Variants in PRUNE2 observed in about 807,000 individuals in gnomAD.
The protein encoded by PRUNE2 is protein prune homolog 2.
A neutral mutation model predicts 252.0 loss-of-function variants in PRUNE2; 164 were observed. The ratio of observed to expected loss-of-function variants is 0.65; its 90% confidence interval spans 0.57 to 0.74. PRUNE2 has a LOEUF of 0.74. Ranked by LOEUF, PRUNE2 falls within the 30% of genes least tolerant of loss-of-function variation. PRUNE2 has a pLI of 0.00. For synonymous variants in PRUNE2, 1,292 were observed against 1,350.2 expected, an observed-to-expected ratio of 0.96 and a Z score of 0.94; for missense variants, 3,495 against 3,711.0, an observed-to-expected ratio of 0.94 and a Z score of 1.51.
At chr9:76,807,848 C>T (rs566510739) in intron 6 of PRUNE2, among the ~76,000 whole-genome samples, 8 of 152,212 alleles carry the variant, frequency 5.3e-5, no homozygotes, top group Non-Finnish European at 7.3e-5. Flanking sequence ...AACAATCGAG[C>T]ACATACTGAT....
rs2041042484 is a variant in PRUNE2 at position 76,670,146 on chromosome 9, C to CAT, written c.8277-14646_8277-14645dup. Reference sequence around the variant, plus strand: ...GCATTTCCATCTGAGGTACTGGGTTCATCTCACTAGGGAGTGCCAGACAGT... The same window carrying CAT: ...GCATTTCCATCTGAGGTACTGGGTTCATATCTCACTAGGGAGTGCCAGACAGT... On this transcript the variant is annotated intron_variant, in intron 9 of 18. Coordinates refer to ENST00000376718, the MANE Select transcript of PRUNE2 (RefSeq NM_015225.3). 4.6e-5 allele frequency among the ~76,000 whole-genome samples: 7 copies of CAT among 152,284 alleles called. No homozygotes were observed. In the South Asian group the frequency reaches 1.4e-3, roughly 32 times the overall value.
At chr9:76,896,646 C>T (rs979915770) in intron 1 of PRUNE2, among the ~76,000 whole-genome samples, 1 of 152,090 alleles carries the variant, frequency 6.6e-6, no homozygotes, top group Non-Finnish European at 1.5e-5. Flanking sequence ...CTGTGTGTAT[C>T]GTGAGCATAA....
chr9:76,624,953 G>A (rs1564352443), intron 16 of PRUNE2: 1 of 1,014,094 alleles, frequency 9.9e-7, no homozygotes, highest in East Asian at 6.0e-5. Context: ...GCTTGTTGAG[G>A]TCACCCACAA....
intron 1 of PRUNE2, among the ~76,000 whole-genome samples, chr9:76,900,695 C>T (rs997602553): frequency 5.3e-5 from 8 of 152,292 alleles, no homozygotes; most frequent in South Asian, 4.1e-4. Flanking sequence ...CAGTAACTAA[C>T]GTTGCATCCC....
rs745460222 is a variant in PRUNE2, at chr9:76,708,452, A to T, written c.3822T>A (p.Ser1274Arg). Residue 1274 changes from serine (S) to arginine (R), a missense_variant, in exon 8 of 19, where the codon AGT becomes AGA. By Grantham distance (110) the Ser-to-Arg change is moderately radical. Coordinates refer to ENST00000376718, the MANE Select transcript of PRUNE2 (RefSeq NM_015225.3). ...SPDAPAASGT[S>R]ESEALISHLD... ...GATGAGATATAAGTGCCTCTGATTC[A>T]CTGGTTCCAGAGGCTGCTGGCGCAT... 2 of 1,613,822 alleles carry T rather than the reference A, an allele frequency of 1.2e-6. No homozygotes were observed. Among genetic ancestry groups the T allele is most frequent in the Non-Finnish European group, 8.5e-7 (1 of 1,179,860 alleles).
chr9:76,870,762 G>C (rs2061151607), intron 1 of PRUNE2, among the ~76,000 whole-genome samples: 1 of 151,042 alleles, frequency 6.6e-6, no homozygotes, highest in Non-Finnish European at 1.5e-5. Context: ...AAGATGTGGA[G>C]TGAGGGCAAG....
chr9:76,884,437 C>T (rs28696128), intron 1 of PRUNE2, among the ~76,000 whole-genome samples: 19,259 of 152,180 alleles, frequency 0.13, 3,871 homozygotes, highest in African/African-American at 0.43. Flanking sequence ...GGATTGTATA[C>T]TATCCTCGTA....
chr9:76,648,588 C>CTGCATATTGTATGAATCCAAATCA (rs1845914729), intron 11 of PRUNE2, among the ~76,000 whole-genome samples: 1 of 152,168 alleles, frequency 6.6e-6, no homozygotes, highest in Admixed American at 6.5e-5. Context: ...ATGAGTCCAA[C>CTGCATATTGTATGAATCCAAATCA]TACATGGATT....
intron 9 of PRUNE2, among the ~76,000 whole-genome samples, chr9:76,703,063 T>C (rs1018612971): frequency 4.0e-5 from 6 of 151,728 alleles, no homozygotes; most frequent in Non-Finnish European, 7.4e-5. Context: ...TGTTGAAGAG[T>C]CATGTAGGTA....
At chr9:76,713,870 G>A in intron 6 of PRUNE2, 149 bp from the exon 7 acceptor site, 1 of 519,340 alleles carries the variant, frequency 1.9e-6, no homozygotes, top group Non-Finnish European at 3.3e-6. Context: ...AGAAGGAGTG[G>A]AAACTTTCAT....
rs372423853 is a variant in PRUNE2, at chr9:76,644,841, G to A, written c.8626C>T (p.Arg2876Trp). 1.8e-5 allele frequency: 29 copies of A among 1,613,676 alleles called. No homozygotes were observed. Among genetic ancestry groups the A allele is most frequent in the East Asian group, 2.2e-5 (1 of 44,870 alleles). ...GTCCTCCAAAGCCGGTTGTCCTCCC[G>A]TTCCTCTTCGGCCGTATATTCTGGA... ...SIPEYTAEEE[R>W]EDNRLWRTVV... The change falls in exon 12 of 19, where the codon CGG becomes TGG. Residue 2876 changes from arginine to tryptophan, a missense_variant. Arg to Trp is a moderately radical substitution (Grantham distance 101). Transcript: ENST00000376718.
intron 1 of PRUNE2, among the ~76,000 whole-genome samples, chr9:76,869,567 C>T (rs984729727): frequency 6.6e-6 from 1 of 152,100 alleles, no homozygotes; most frequent in Non-Finnish European, 1.5e-5. Flanking sequence ...TATTAAAATA[C>T]ACATTTTATA....
chr9:76,749,953 TA>T (rs1326339271), intron 6 of PRUNE2, among the ~76,000 whole-genome samples: 1 of 152,140 alleles, frequency 6.6e-6, no homozygotes, highest in Non-Finnish European at 1.5e-5. Context: ...CTACATCCCT[TA>T]GAATTTCCCG....
At chr9:76,645,930 T>C (rs1844667507) in intron 11 of PRUNE2, among the ~76,000 whole-genome samples, 1 of 152,228 alleles carries the variant, frequency 6.6e-6, no homozygotes, top group Non-Finnish European at 1.5e-5. Flanking sequence ...CAGGTACTAG[T>C]TGGTATTAAA....
At chr9:76,877,484 C>A (rs1335731745) in intron 1 of PRUNE2, among the ~76,000 whole-genome samples, 3 of 151,364 alleles carry the variant, frequency 2.0e-5, no homozygotes, top group Non-Finnish European at 2.9e-5. Flanking sequence ...CAGAGTGAGA[C>A]CCTGTCTCAA....
At chr9:76,726,906 TG>T (rs1163796825) in intron 6 of PRUNE2, among the ~76,000 whole-genome samples, 1 of 152,236 alleles carries the variant, frequency 6.6e-6, no homozygotes, top group African/African-American at 2.4e-5. Flanking sequence ...GGGCTCACTC[TG>T]GTGGAACAAG....
intron 10 of PRUNE2, among the ~76,000 whole-genome samples, chr9:76,653,585 C>T (rs1848201214): frequency 6.6e-6 from 1 of 152,064 alleles, no homozygotes; most frequent in Admixed American, 6.5e-5. Flanking sequence ...ATAGAAAGGG[C>T]CAACTATATT....
At position 76,841,849 on chromosome 9, in the gene PRUNE2, GA is replaced by G. The variant is rs548928818; in HGVS notation, c.508+4665del. Among the ~76,000 whole-genome samples, 425 of 152,274 alleles carry G rather than the reference GA, an allele frequency of 2.8e-3. 3 individuals carry two copies. Among genetic ancestry groups the G allele is most frequent in the African/African-American group, 9.5e-3 (393 of 41,562 alleles). ...TCTCCCTGGGACAGAGCACTTGGGG[GA>G]AGGGGCGGCTGTGGGAGCAGCTTCA... On this transcript the variant is annotated intron_variant, in intron 4 of 18. Transcript: ENST00000376718.
chr9:76,703,901 C>A lies in PRUNE2; in HGVS notation c.7712G>T (p.Ser2571Ile). The A allele has an allele frequency of 6.2e-7, 1 of 1,613,876 alleles. No homozygotes were observed. Among genetic ancestry groups the A allele is most frequent in the Non-Finnish European group, 8.5e-7 (1 of 1,179,844 alleles). ...TACATACAATTCTAATTCAGCTATG[C>A]TTTCTCTTTCTTCACAGGTCTCTGG... is the stretch of plus-strand genomic sequence containing the variant. ...SKPETCEERE[S>I]IAELELYVGS... The change falls in exon 9 of 19, where the codon AGC (serine) becomes ATC (isoleucine). Residue 2571 changes from serine to isoleucine, a missense_variant. Physicochemically the swap from Ser to Ile is moderately radical, Grantham distance 142. Coordinates refer to ENST00000376718, the MANE Select transcript of PRUNE2 (RefSeq NM_015225.3).
Sources: gnomAD v4.1 joint callset for allele counts (sites outside exome capture counted in the v4.1 genomes callset) on GRCh38, gnomAD v4.1.1 for gene constraint, MANE v1.5 for transcripts, NCBI Gene and HGNC (gene_info 2026-07-23, HGNC 2026-07-21) for gene names.